The following IQGAP2 variants were observed in gnomAD, a reference collection of about 807,000 sequenced individuals.
IQGAP2 encodes the protein ras GTPase-activating-like protein IQGAP2.
IQGAP2 carries 173 observed loss-of-function variants against 201.3 expected under a neutral mutation model. The ratio of observed to expected loss-of-function variants is 0.86; its 90% CI spans 0.76 to 0.98. The LOEUF (loss-of-function observed/expected upper bound fraction) is 0.98, where lower values mean the gene tolerates loss of function less well. IQGAP2 is among the 50% of genes least tolerant of loss of function. The pLI is 0.00. For synonymous variants in IQGAP2, 675 were observed against 673.9 expected (o/e 1.00, Z -0.03); for missense variants, 1,687 against 1,864.8 (o/e 0.90, Z 1.76).
chr5:76,529,347 G>A (rs1759144889), intron 2 of IQGAP2, among the ~76,000 whole-genome samples: 1 of 152,078 alleles, frequency 6.6e-6, no homozygotes, highest in African/African-American at 2.4e-5. Flanking sequence ...TTATTTTTGA[G>A]GGCTGGGCGC....
chr5:76,674,102 T>A, intron 26 of IQGAP2, 66 bp downstream of exon 26: 1 of 881,420 alleles, frequency 1.1e-6, no homozygotes, highest in Non-Finnish European at 1.9e-6. Flanking sequence ...TACCAACATA[T>A]AACTTTGTAA....
chr5:76,441,989 C>G (rs1213358202), intron 1 of IQGAP2, among the ~76,000 whole-genome samples: 1 of 152,118 alleles, frequency 6.6e-6, no homozygotes, highest in Non-Finnish European at 1.5e-5. Flanking sequence ...GGATCCTACC[C>G]ATTAGCGAGG....
intron 2 of IQGAP2, among the ~76,000 whole-genome samples, chr5:76,497,073 C>T (rs1033110613): frequency 2.0e-5 from 3 of 152,094 alleles, no homozygotes; most frequent in Admixed American, 2.0e-4. Context: ...CATGATCCAC[C>T]CACCTCAGCC....
Position 76,459,742 on chromosome 5 carries a change from G to T in IQGAP2, c.47-1828G>T, listed in dbSNP as rs758865012. Among the ~76,000 whole-genome samples the T allele has an allele frequency of 2.0e-5, 3 of 152,178 alleles. No individual in the cohort carries two copies. In the East Asian group the frequency reaches 5.8e-4, roughly 29 times the overall value. ...CAACCTCCGCCTCCTGGGTTGAAGCGATTCTCCTGCCTGAGCCTCCTGAGT... is the reference window on the plus strand; with the variant it reads ...CAACCTCCGCCTCCTGGGTTGAAGCTATTCTCCTGCCTGAGCCTCCTGAGT... On this transcript the variant is annotated intron_variant, in intron 1 of 35. Transcript: ENST00000274364.
intron 5 of IQGAP2, among the ~76,000 whole-genome samples, chr5:76,580,708 T>G (rs750581374): frequency 6.6e-6 from 1 of 152,200 alleles, no homozygotes; most frequent in South Asian, 2.1e-4. Context: ...CAGTCTGAGC[T>G]CTTTCTGGCC....
intron 13 of IQGAP2, chr5:76,618,342 C>T: frequency 6.2e-7 from 1 of 1,614,138 alleles, no homozygotes. Flanking sequence ...GGATCTGGTC[C>T]TGAAGAAAAG....
chr5:76,598,166 A>C (rs1229850229), intron 10 of IQGAP2, among the ~76,000 whole-genome samples: 2 of 152,264 alleles, frequency 1.3e-5, no homozygotes, highest in African/African-American at 4.8e-5. Flanking sequence ...AGAATTCAGC[A>C]TATAACAAGG....
At chr5:76,508,443 G>A (rs1056712668) in intron 2 of IQGAP2, among the ~76,000 whole-genome samples, 3 of 152,132 alleles carry the variant, frequency 2.0e-5, no homozygotes, top group African/African-American at 7.2e-5. Context: ...AATTAAAACA[G>A]CAATGAGATA....
At position 76,508,275 on chromosome 5, in the gene IQGAP2, C is replaced by T. The variant is rs953353619; in HGVS notation, c.146+46606C>T. Among the ~76,000 whole-genome samples the T allele has an allele frequency of 3.3e-5, 5 of 151,864 alleles. No individual in the cohort carries two copies. The South Asian group carries it at 8.3e-4, about 25-fold the overall frequency. ...CTGGAACCCAGGAGAGCCGAGATCTCGCCACTGCACTCCAGCCTGGGTGAC... is the reference window on the plus strand; with the variant it reads ...CTGGAACCCAGGAGAGCCGAGATCTTGCCACTGCACTCCAGCCTGGGTGAC... On this transcript the variant is annotated intron_variant, in intron 2 of 35. Coordinates refer to ENST00000274364, the MANE Select transcript of IQGAP2 (RefSeq NM_006633.5).
intron 15 of IQGAP2, among the ~76,000 whole-genome samples, chr5:76,633,625 C>T (rs1456323153): frequency 6.6e-6 from 1 of 152,070 alleles, no homozygotes; most frequent in East Asian, 1.9e-4. Context: ...GTACATCCAA[C>T]ACCTCTAGTT....
intron 2 of IQGAP2, among the ~76,000 whole-genome samples, chr5:76,544,926 CAT>C (rs1240446111): frequency 1.3e-5 from 2 of 151,710 alleles, no homozygotes; most frequent in African/African-American, 2.4e-5. Context: ...ATATACAGTA[CAT>C]ATATATGTCT....
At chr5:76,632,059 G>A in intron 15 of IQGAP2, 33 bp downstream of exon 15, 2 of 1,511,628 alleles carry the variant, frequency 1.3e-6, no homozygotes, top group Non-Finnish European at 1.8e-6. Flanking sequence ...CACAAACTAA[G>A]TATTTTAAAT....
intron 13 of IQGAP2, among the ~76,000 whole-genome samples, chr5:76,627,189 G>A (rs932633118): frequency 2.0e-5 from 3 of 152,186 alleles, no homozygotes; most frequent in African/African-American, 7.2e-5. Context: ...CCAGTTGGGA[G>A]ATGATGGGGG....
At position 76,593,906 on chromosome 5, in the gene IQGAP2, A is replaced by G. The variant is rs963003563; in HGVS notation, c.907+981A>G. ...GGTGTTACTAAGAAGTCTGCTCCTA[A>G]ATTGCTGGAGAGAAATATCCTAAGG... On this transcript the variant is annotated intron_variant, in intron 9 of 35. Coordinates refer to ENST00000274364, the MANE Select transcript of IQGAP2 (RefSeq NM_006633.5). Among the ~76,000 whole-genome samples, 8 of 152,182 alleles carry G rather than the reference A, an allele frequency of 5.3e-5. No homozygotes were observed. In the South Asian group the frequency reaches 6.2e-4, roughly 12 times the overall value.
At chr5:76,686,010 G>A (rs764882080) in intron 30 of IQGAP2, among the ~76,000 whole-genome samples, 22 of 152,148 alleles carry the variant, frequency 1.4e-4, no homozygotes, top group East Asian at 1.9e-4. Flanking sequence ...ATATGAAGTC[G>A]TATCTCACTG....
At chr5:76,482,419 A>T (rs556841117) in intron 2 of IQGAP2, among the ~76,000 whole-genome samples, 1 of 152,324 alleles carries the variant, frequency 6.6e-6, no homozygotes, top group African/African-American at 2.4e-5. Flanking sequence ...GACTTGATGG[A>T]CTGTGACAAG....
At chr5:76,459,537 C>T (rs1475121343) in intron 1 of IQGAP2, among the ~76,000 whole-genome samples, 1 of 152,130 alleles carries the variant, frequency 6.6e-6, no homozygotes, top group African/African-American at 2.4e-5. Context: ...AACTGGAAAT[C>T]ATGAGGTATC....
chr5:76,596,031 C>G (rs1019838606), intron 9 of IQGAP2, among the ~76,000 whole-genome samples: 3 of 152,118 alleles, frequency 2.0e-5, no homozygotes, highest in Non-Finnish European at 4.4e-5. Flanking sequence ...TGCTAAGGTT[C>G]TCAGGGTCCT....
chr5:76,491,447 A>G (rs1194003442), intron 2 of IQGAP2, among the ~76,000 whole-genome samples: 4 of 152,108 alleles, frequency 2.6e-5, no homozygotes, highest in African/African-American at 7.2e-5. Flanking sequence ...TTTGAGAGGT[A>G]TGCAGGATTT....
Sources: allele counts gnomAD v4.1 joint callset (sites outside exome capture counted in the v4.1 genomes callset), GRCh38; gene constraint gnomAD v4.1.1; transcripts MANE v1.5; gene names NCBI Gene and HGNC (gene_info 2026-07-23, HGNC 2026-07-21).